Variants in WDR88 observed in about 807,000 individuals in gnomAD.
WDR88 encodes the protein WD repeat domain 88, also known as WD repeat-containing protein 88.
In WDR88, 40 loss-of-function variants were observed where a neutral mutation model predicts 46.8. That is an observed-to-expected ratio of 0.86 (90% CI 0.66 to 1.11). The LOEUF is 1.11. WDR88 is among the 50% of genes most tolerant of loss of function. WDR88 has a pLI of 0.00. For missense variants in WDR88, 562 were observed against 602.4 expected (o/e 0.93, Z 0.70); for synonymous variants, 235 against 240.7 (o/e 0.98, Z 0.22).
chr19:33,149,697 C>G (rs1973594265), intron 5 of WDR88, among the ~76,000 whole-genome samples: 1 of 151,500 alleles, frequency 6.6e-6, no homozygotes, highest in Middle Eastern at 3.4e-3. Flanking sequence ...CTTGCTCTGT[C>G]TCCTAGGCTG....
At chr19:33,159,335 AAAATAAATAAATAAATAAATAAAT>A (rs71176202) in intron 7 of WDR88, among the ~76,000 whole-genome samples, 4 of 142,686 alleles carry the variant, frequency 2.8e-5, no homozygotes, top group Non-Finnish European at 3.0e-5. Context: ...CTTATCTCTA[AAAATAAATAAATAAATAAATAAAT>A]AAATAAATAA....
At chr19:33,133,341 G>A (rs1973179559) in intron 1 of WDR88, among the ~76,000 whole-genome samples, 1 of 151,524 alleles carries the variant, frequency 6.6e-6, no homozygotes, top group Admixed American at 6.6e-5. Flanking sequence ...TGAGGTCAAG[G>A]GTTCGAGACC....
chr19:33,140,698 G>A (rs985240973), intron 2 of WDR88, among the ~76,000 whole-genome samples: 10 of 152,096 alleles, frequency 6.6e-5, no homozygotes, highest in Non-Finnish European at 8.8e-5. Context: ...GCTGAGACAG[G>A]AGAATTGCTT....
At position 33,156,473 on chromosome 19, in the gene WDR88, T is replaced by C. The variant is rs11881580; in HGVS notation, c.928T>C (p.Cys310Arg). 0.11 allele frequency: 174,140 copies of C among 1,613,908 alleles called. 17,004 individuals are homozygous for C. The highest frequency in any genetic ancestry group is 0.47 in the African/African-American group (34,988 of 74,888). The part of the protein sequence containing the change: ...WNVHTGEFRN[C>R]GACVTLMQGH... The stretch of plus-strand genomic sequence containing the variant: ...CGTCCACACAGGGGAGTTTCGAAAC[T>C]GTGGAGCCTGTGTGACTCTGATGCA... The change falls in exon 7 of 11, where the codon TGT becomes CGT. Residue 310 changes from cysteine (C) to arginine (R), a missense_variant. Cys to Arg is a radical substitution (Grantham distance 180). Transcript: ENST00000355868.
intron 8 of WDR88, among the ~76,000 whole-genome samples, chr19:33,163,636 C>T (rs1599911967): frequency 6.6e-6 from 1 of 150,768 alleles, no homozygotes; most frequent in Admixed American, 6.6e-5. Flanking sequence ...CTGCTCTGCT[C>T]TTTCCTTTTT....
chr19:33,139,491 G>A (rs1568359310), intron 2 of WDR88, among the ~76,000 whole-genome samples: 2 of 152,178 alleles, frequency 1.3e-5, no homozygotes, highest in African/African-American at 2.4e-5. Context: ...GCTGGTTCCT[G>A]GGTTCTGGTT....
intron 10 of WDR88, among the ~76,000 whole-genome samples, chr19:33,173,819 A>C (rs1169020599): frequency 6.6e-6 from 1 of 152,148 alleles, no homozygotes; most frequent in Non-Finnish European, 1.5e-5. Context: ...GGAATGTAGG[A>C]TAAGGTAGGT....
At chr19:33,133,198 T>TAAATAAATAAATAAATATAGAGAG (rs1555723214) in intron 1 of WDR88, among the ~76,000 whole-genome samples, 2 of 79,722 alleles carry the variant, frequency 2.5e-5, no homozygotes, top group African/African-American at 6.5e-5. Flanking sequence ...TAAATAAATA[T>TAAATAAATAAATAAATATAGAGAG]AGAGAGAGAG....
rs773875375 is a variant in WDR88 at position 33,175,445 on chromosome 19, C to T, written c.1292C>T (p.Ser431Phe). 6.2e-7 allele frequency: 1 copy of T among 1,614,198 alleles called. No homozygotes were observed. Among genetic ancestry groups the T allele is most frequent in the Non-Finnish European group, 8.5e-7 (1 of 1,180,034 alleles). Residue 431 changes from serine (S) to phenylalanine (F), a missense_variant, in exon 11 of 11, where the codon TCT (serine) becomes TTT (phenylalanine). By Grantham distance (155) the Ser-to-Phe change is radical (BLOSUM62 -2). Coordinates refer to ENST00000355868, the MANE Select transcript of WDR88 (RefSeq NM_173479.4). ...TCCATCTTCAAGAGTGACACCTCTTCTGAAATGTTCACCCAATGCGTGTTC... is the reference window on the plus strand; with the variant it reads ...TCCATCTTCAAGAGTGACACCTCTTTTGAAATGTTCACCCAATGCGTGTTC... ...PFSIFKSDTS[S>F]EMFTQCVFCR...
rs557195235 is a variant in WDR88 at position 33,163,641 on chromosome 19, C to CT, written c.1081-540dup. On this transcript the variant is annotated intron_variant, in intron 8 of 10. Transcript: ENST00000355868. ...GTACAATGAGCTGCTCTGCTCTTTC[C>CT]TTTTTTTTTTTTTTTTGAGACAGTC... Among the ~76,000 whole-genome samples, 363 of 139,984 alleles carry CT rather than the reference C, an allele frequency of 2.6e-3. 1 individual carries two copies. Among genetic ancestry groups the CT allele is most frequent in the South Asian group, 5.5e-3 (24 of 4,386 alleles). 91.8% of individuals were successfully genotyped at this position (139,984 alleles called of 152,430 possible).
At chr19:33,149,996 A>ATT (rs1973600767) in intron 5 of WDR88, among the ~76,000 whole-genome samples, 1 of 152,002 alleles carries the variant, frequency 6.6e-6, no homozygotes, top group Non-Finnish European at 1.5e-5. Context: ...TTGTTGTATG[A>ATT]CAGTTTCCTG....
intron 7 of WDR88, among the ~76,000 whole-genome samples, chr19:33,158,589 A>AAAAAATCT: frequency 6.6e-6 from 1 of 152,244 alleles, no homozygotes; most frequent in East Asian, 1.9e-4. Context: ...GAAGAGCAGC[A>AAAAAATCT]AAAAATCTAA....
At chr19:33,153,042 T>A (rs1469921560) in intron 6 of WDR88, among the ~76,000 whole-genome samples, 1 of 151,650 alleles carries the variant, frequency 6.6e-6, no homozygotes, top group East Asian at 1.9e-4. Flanking sequence ...GTTCCTGCTT[T>A]CAATTCTTTT....
In WDR88 at chr19:33,132,419, T is replaced by C; in HGVS notation, c.250T>C (p.Trp84Arg). ...EKHQVPEKLIWGDQDPLSKIP... is the reference protein window; with the variant it reads ...EKHQVPEKLIRGDQDPLSKIP... ...GCACCAGGTGCCGGAGAAATTGATC[T>C]GGGGCGACCAGGACCCTCTCTCCAA... is the stretch of plus-strand genomic sequence containing the variant. The change falls in exon 1 of 11, where the codon TGG (tryptophan) becomes CGG (arginine). Residue 84 changes from tryptophan (W) to arginine (R), a missense_variant. Trp to Arg is a moderately radical substitution (Grantham distance 101, BLOSUM62 -3). Transcript: ENST00000355868. 6.2e-7 allele frequency: 1 copy of C among 1,614,008 alleles called. No homozygotes were observed. The highest frequency in any genetic ancestry group is 8.5e-7 in the Non-Finnish European group (1 of 1,179,982).
chr19:33,175,315 A>G, intron 10 of WDR88, 81 bp from the exon 11 acceptor site: 1 of 1,423,574 alleles, frequency 7.0e-7, no homozygotes. Flanking sequence ...AGCTCAAGGT[A>G]GCTGGGAGAA....
intron 8 of WDR88, among the ~76,000 whole-genome samples, chr19:33,163,328 G>T (rs969175520): frequency 2.2e-5 from 3 of 133,778 alleles, no homozygotes; most frequent in African/African-American, 9.4e-5. Context: ...GCGAGACTCC[G>T]TCTCAAAAAA....
intron 5 of WDR88, 110 bp from the exon 6 acceptor site, chr19:33,151,071 A>G: frequency 7.6e-7 from 1 of 1,309,202 alleles, no homozygotes; most frequent in South Asian, 1.4e-5. Context: ...GCTCCTGATG[A>G]AAACTGGAAT....
intron 1 of WDR88, among the ~76,000 whole-genome samples, chr19:33,132,842 CG>C (rs1357739080): frequency 6.6e-6 from 1 of 152,156 alleles, no homozygotes; most frequent in Non-Finnish European, 1.5e-5. Flanking sequence ...TCAGAAGAAA[CG>C]GGAAACTCAG....
chr19:33,161,010 T>C lies in WDR88; in HGVS notation c.1080+514T>C, dbSNP rs138673536. Among the ~76,000 whole-genome samples, 4 of 151,846 alleles carry C rather than the reference T, an allele frequency of 2.6e-5. No homozygotes were observed. In the East Asian group the frequency reaches 7.8e-4, roughly 30 times the overall value. ...AACATGGTGAAACCCCCGTCTCTAC[T>C]AAAAATACAAAAATCAGCCGGGTGT... On this transcript the variant is annotated intron_variant, in intron 8 of 10. Coordinates refer to ENST00000355868, the MANE Select transcript of WDR88 (RefSeq NM_173479.4).
Sources: gnomAD v4.1 joint callset for allele counts (sites outside exome capture counted in the v4.1 genomes callset) on GRCh38, gnomAD v4.1.1 for gene constraint, MANE v1.5 for transcripts, NCBI Gene and HGNC (gene_info 2026-07-23, HGNC 2026-07-21) for gene names.